The following UBA2 variants were observed in gnomAD, a reference collection of about 807,000 sequenced individuals.
The protein encoded by UBA2 is SUMO-activating enzyme subunit 2.
In UBA2, 11 loss-of-function variants were observed where a neutral mutation model predicts 77.2. The ratio of observed to expected loss-of-function variants is 0.14; its 90% CI spans 0.09 to 0.24. The LOEUF (loss-of-function observed/expected upper bound fraction) is 0.24, where lower values mean the gene tolerates loss of function less well. Ranked by LOEUF, UBA2 falls within the 10% of genes least tolerant of loss-of-function variation. The pLI, the probability that UBA2 is intolerant of heterozygous loss-of-function variation, is 1.00. For synonymous variants in UBA2, 278 were observed against 276.7 expected, an observed-to-expected ratio of 1.00 and a Z score of -0.05; for missense variants, 487 against 781.7, an observed-to-expected ratio of 0.62 and a Z score of 4.50.
At chr19:34,444,174 C>T (rs2075403013) in intron 7 of UBA2, among the ~76,000 whole-genome samples, 1 of 149,932 alleles carries the variant, frequency 6.7e-6, no homozygotes, top group Non-Finnish European at 1.5e-5. Context: ...TCTCCTGCCT[C>T]AGGCTCCTGA....
At chr19:34,441,930 C>CAA (rs71165656) in intron 6 of UBA2, among the ~76,000 whole-genome samples, 2,241 of 136,390 alleles carry the variant, frequency 0.016, 49 homozygotes, top group Admixed American at 0.062. Context: ...CAGAAAAAGA[C>CAA]AAAAAAAAAA....
chr19:34,449,063 ATC>A (rs1211150841), intron 8 of UBA2, among the ~76,000 whole-genome samples: 9 of 137,092 alleles, frequency 6.6e-5, no homozygotes, highest in African/African-American at 1.1e-4. Flanking sequence ...TAAAATATAA[ATC>A]TTTTTTTTTT....
chr19:34,443,552 C>T (rs2075393515), intron 6 of UBA2, among the ~76,000 whole-genome samples: 1 of 151,228 alleles, frequency 6.6e-6, no homozygotes, highest in Non-Finnish European at 1.5e-5. Flanking sequence ...AGCGATTCTC[C>T]TGCCTCAGCT....
At chr19:34,440,384 A>G (rs989873300) in intron 6 of UBA2, among the ~76,000 whole-genome samples, 2 of 152,176 alleles carry the variant, frequency 1.3e-5, no homozygotes, top group Non-Finnish European at 2.9e-5. Context: ...AAGTAGTTTA[A>G]ATTATTCTAA....
intron 3 of UBA2, 88 bp from the exon 4 acceptor site, chr19:34,433,254 AGTTACT>A: frequency 1.2e-6 from 1 of 858,020 alleles, no homozygotes; most frequent in South Asian, 1.5e-5. Context: ...TTTTGTTTAC[AGTTACT>A]ATGTTTTTTT....
chr19:34,456,393 C>T (rs537281416), intron 12 of UBA2, among the ~76,000 whole-genome samples: 140 of 151,894 alleles, frequency 9.2e-4, no homozygotes, highest in African/African-American at 2.7e-3. Context: ...GGATTTCAGG[C>T]GTGAGCTATT....
rs566150507 is a variant in UBA2 at position 34,468,466 on chromosome 19, G to A, written c.1742-574G>A. 2.0e-5 allele frequency among the ~76,000 whole-genome samples: 3 copies of A among 152,134 alleles called. No homozygotes were observed. In the South Asian group the frequency reaches 6.2e-4, roughly 31 times the overall value. On this transcript the variant is annotated intron_variant, in intron 16 of 16. Coordinates refer to ENST00000246548, the MANE Select transcript of UBA2 (RefSeq NM_005499.3). ...AAGGTTACAGCCATGAGTAAGATAG[G>A]TATTCTGCCTTTGATTTTGTTGGAC...
chr19:34,438,591 A>G, intron 5 of UBA2, 54 bp from the exon 6 acceptor site: 1 of 1,604,162 alleles, frequency 6.2e-7, no homozygotes, highest in Non-Finnish European at 8.5e-7. Flanking sequence ...TTACCTTATA[A>G]TGTTGAGAAA....
chr19:34,446,908 C>A (rs1235498521), intron 8 of UBA2, among the ~76,000 whole-genome samples: 5 of 152,144 alleles, frequency 3.3e-5, no homozygotes, highest in African/African-American at 1.2e-4. Flanking sequence ...GCCCAGCCCA[C>A]AGGTTGACTT....
rs1411781563 is a variant in UBA2 at position 34,471,106 on chromosome 19, G to C, written c.*1885G>C. 6.6e-6 allele frequency: 1 copy of C among 152,190 alleles called. No homozygotes were observed. The highest frequency in any genetic ancestry group is 1.9e-4 in the East Asian group (1 of 5,198). The allele number at this position is 152,190 out of a possible 1,614,324, so 9.4% of individuals were successfully genotyped here. ...GGACCTCAGAGGGCTTTGCCTGTTA[G>C]GGTACTCTTATCACTCAGAGATGGG... On this transcript the variant is annotated 3_prime_UTR_variant, in exon 17 of 17. Transcript: ENST00000246548.
intron 5 of UBA2, among the ~76,000 whole-genome samples, chr19:34,437,475 T>C (rs1035170124): frequency 5.3e-5 from 8 of 151,454 alleles, no homozygotes; most frequent in African/African-American, 1.9e-4. Context: ...CTGGGTGTGG[T>C]GGCACGCACC....
intron 6 of UBA2, among the ~76,000 whole-genome samples, chr19:34,441,191 C>T (rs1438984011): frequency 6.6e-6 from 1 of 152,142 alleles, no homozygotes; most frequent in African/African-American, 2.4e-5. Context: ...CGAGGTGGCT[C>T]ACGCCTGTAA....
chr19:34,461,153 T>C (rs147493298), intron 14 of UBA2, among the ~76,000 whole-genome samples: 92 of 152,374 alleles, frequency 6.0e-4, no homozygotes, highest in Middle Eastern at 3.4e-3. Context: ...TGGTCACTTT[T>C]GCAGCTCATT....
chr19:34,441,534 T>G (rs1028539036), intron 6 of UBA2, among the ~76,000 whole-genome samples: 5 of 152,142 alleles, frequency 3.3e-5, no homozygotes, highest in African/African-American at 1.2e-4. Flanking sequence ...CTCAACCCGA[T>G]AAAGGGTATT....
At chr19:34,440,571 A>G (rs1160485704) in intron 6 of UBA2, among the ~76,000 whole-genome samples, 3 of 152,210 alleles carry the variant, frequency 2.0e-5, no homozygotes, top group Non-Finnish European at 2.9e-5. Flanking sequence ...ATTATGGCAT[A>G]AGAAACAATT....
chr19:34,460,051 A>T (rs1027908059), intron 13 of UBA2, among the ~76,000 whole-genome samples: 11 of 152,040 alleles, frequency 7.2e-5, no homozygotes, highest in Non-Finnish European at 1.5e-4. Context: ...GAATATTATC[A>T]CTTCTCTAAA....
intron 15 of UBA2, among the ~76,000 whole-genome samples, chr19:34,465,850 AG>A (rs1201730640): frequency 6.6e-6 from 1 of 152,168 alleles, no homozygotes; most frequent in Non-Finnish European, 1.5e-5. Flanking sequence ...AGGCATAATT[AG>A]GGTTTTTAAT....
At chr19:34,428,898 G>A in intron 1 of UBA2, 21 of 1,012,932 alleles carry the variant, frequency 2.1e-5, no homozygotes, top group Non-Finnish European at 2.5e-5. Flanking sequence ...CGGCTGTTAG[G>A]AGATGCGGGA....
intron 7 of UBA2, among the ~76,000 whole-genome samples, 193 bp downstream of exon 7, chr19:34,444,104 C>T (rs1320614526): frequency 8.3e-6 from 1 of 119,922 alleles, no homozygotes; most frequent in African/African-American, 3.2e-5. Flanking sequence ...ATTGCCCAGG[C>T]TGGAGTACAA....
Sources: gnomAD v4.1 joint callset for allele counts (sites outside exome capture counted in the v4.1 genomes callset) on GRCh38, gnomAD v4.1.1 for gene constraint, MANE v1.5 for transcripts, NCBI Gene and HGNC (gene_info 2026-07-23, HGNC 2026-07-21) for gene names.